Variants in ZBTB20 observed in about 807,000 individuals in gnomAD.
ZBTB20 encodes the protein zinc finger and BTB domain containing 20.
Under a neutral mutation model 56.9 loss-of-function variants are expected in ZBTB20, and 9 were observed. The ratio of observed to expected loss-of-function variants is 0.16; its 90% CI spans 0.10 to 0.28. The LOEUF (loss-of-function observed/expected upper bound fraction) is 0.28, where lower values mean the gene tolerates loss of function less well. Among genes scored for constraint, ZBTB20 ranks in the 10% least tolerant of loss-of-function variants. The pLI is 1.00. For missense variants in ZBTB20, 655 were observed against 1,003.0 expected (o/e 0.65, Z 4.69); for synonymous variants, 417 against 420.7 (o/e 0.99, Z 0.11).
intron 6 of ZBTB20, chr3:114,624,350 A>C (rs553789000): frequency 2.7e-5 from 4 of 145,670 alleles, no homozygotes; most frequent in Non-Finnish European, 6.1e-5. Flanking sequence ...AAACAACAGT[A>C]AGAGAAACAA....
intron 6 of ZBTB20, among the ~76,000 whole-genome samples, chr3:114,617,506 C>T (rs1365976322): frequency 5.3e-5 from 8 of 152,202 alleles, no homozygotes; most frequent in Non-Finnish European, 8.8e-5. Context: ...CCTTCAGTTA[C>T]GGCACTTAGC....
intron 4 of ZBTB20, among the ~76,000 whole-genome samples, chr3:114,804,874 T>C (rs1232272367): frequency 6.6e-6 from 1 of 151,910 alleles, no homozygotes; most frequent in Non-Finnish European, 1.5e-5. Context: ...TCAAAAATAA[T>C]AGTAATTCTT....
chr3:114,615,983 C>T (rs2702172), intron 6 of ZBTB20, among the ~76,000 whole-genome samples: 28,519 of 152,100 alleles, frequency 0.19, 3,544 homozygotes, highest in African/African-American at 0.35. Context: ...GGAGAAATTG[C>T]TCTGTATATG....
At chr3:115,073,699 TATA>T (rs1292289289) in intron 1 of ZBTB20, among the ~76,000 whole-genome samples, 1 of 151,876 alleles carries the variant, frequency 6.6e-6, no homozygotes, top group African/African-American at 2.4e-5. Flanking sequence ...GATAAGAGAT[TATA>T]ATGAGAAAAA....
intron 7 of ZBTB20, among the ~76,000 whole-genome samples, chr3:114,497,309 C>T (rs2043390197): frequency 6.6e-6 from 1 of 152,130 alleles, no homozygotes; most frequent in South Asian, 2.1e-4. Flanking sequence ...CCTCCTTGAG[C>T]CTGCAGGATC....
chr3:114,967,824 G>A (rs1459960195), intron 3 of ZBTB20, among the ~76,000 whole-genome samples: 1 of 151,964 alleles, frequency 6.6e-6, no homozygotes, highest in African/African-American at 2.4e-5. Context: ...AGGCGTGGTG[G>A]CGGGCACCTA....
At chr3:114,918,997 A>G (rs959226375) in intron 3 of ZBTB20, among the ~76,000 whole-genome samples, 1 of 152,180 alleles carries the variant, frequency 6.6e-6, no homozygotes. Context: ...GACCCCAGAG[A>G]ATTTTAGCCC....
intron 6 of ZBTB20, among the ~76,000 whole-genome samples, chr3:114,536,987 C>G (rs1454424947): frequency 6.6e-6 from 1 of 152,048 alleles, no homozygotes; most frequent in Non-Finnish European, 1.5e-5. Flanking sequence ...CAAAAATTAA[C>G]TCAAGATGGA....
Position 114,944,998 on chromosome 3 carries a change from C to T in ZBTB20, c.-456+29368G>A, listed in dbSNP as rs1187689411. ...TTTAAATGTTCTTACCATAAAAACACGATAATTATTTGAGGTGATGGATGC... is the reference window on the plus strand; with the variant it reads ...TTTAAATGTTCTTACCATAAAAACATGATAATTATTTGAGGTGATGGATGC... On this transcript the variant is annotated intron_variant, in intron 3 of 11. Coordinates refer to ENST00000675478, the MANE Select transcript of ZBTB20 (RefSeq NM_001348800.3). Among the ~76,000 whole-genome samples the T allele has an allele frequency of 1.4e-5, 2 of 145,392 alleles. 1 individual carries two copies. The highest frequency in any genetic ancestry group is 4.3e-4 in the South Asian group (2 of 4,680).
At chr3:114,976,279 G>GT (rs1560454848) in intron 2 of ZBTB20, among the ~76,000 whole-genome samples, 3 of 152,094 alleles carry the variant, frequency 2.0e-5, no homozygotes, top group African/African-American at 4.8e-5. Flanking sequence ...CTCAAAGGAC[G>GT]TAAGAATAAT....
At chr3:114,679,794 C>CA (rs1028996499) in intron 6 of ZBTB20, among the ~76,000 whole-genome samples, 17 of 151,994 alleles carry the variant, frequency 1.1e-4, no homozygotes, top group Non-Finnish European at 2.5e-4. Flanking sequence ...GGTATATACC[C>CA]AAAAAAATTA....
chr3:114,490,522 G>A (rs770598624), intron 7 of ZBTB20, among the ~76,000 whole-genome samples: 11 of 151,756 alleles, frequency 7.2e-5, no homozygotes, highest in Non-Finnish European at 1.2e-4. Flanking sequence ...TGCCCGGCCC[G>A]CTTCCTTCCT....
chr3:114,600,573 G>A (rs1452784897), intron 6 of ZBTB20, among the ~76,000 whole-genome samples: 1 of 151,964 alleles, frequency 6.6e-6, no homozygotes, highest in South Asian at 2.1e-4. Flanking sequence ...AATTCACTGT[G>A]CTCTATTTAC....
chr3:114,866,427 G>A (rs1428744594), intron 4 of ZBTB20, among the ~76,000 whole-genome samples: 1 of 152,160 alleles, frequency 6.6e-6, no homozygotes, highest in Non-Finnish European at 1.5e-5. Context: ...ATGGGGTTTG[G>A]GGTTGTGTTT....
chr3:114,443,149 CA>C (rs1378773988), intron 7 of ZBTB20, among the ~76,000 whole-genome samples: 1 of 152,264 alleles, frequency 6.6e-6, no homozygotes, highest in African/African-American at 2.4e-5. Flanking sequence ...ACATTCAACA[CA>C]GATTCAGGTG....
At chr3:114,385,050 T>C (rs1162187210) in intron 8 of ZBTB20, among the ~76,000 whole-genome samples, 1 of 152,172 alleles carries the variant, frequency 6.6e-6, no homozygotes, top group Non-Finnish European at 1.5e-5. Flanking sequence ...CTCTCTTCAC[T>C]GGGCTCCCAC....
intron 6 of ZBTB20, among the ~76,000 whole-genome samples, chr3:114,590,192 C>T (rs914839189): frequency 1.3e-5 from 2 of 152,178 alleles, no homozygotes; most frequent in Non-Finnish European, 2.9e-5. Flanking sequence ...CGAAGGCTCA[C>T]GCTTGTAATC....
chr3:114,475,599 C>T (rs2040658129), intron 7 of ZBTB20, among the ~76,000 whole-genome samples: 1 of 152,122 alleles, frequency 6.6e-6, no homozygotes, highest in Middle Eastern at 3.4e-3. Flanking sequence ...ATCTTAGAGA[C>T]TTGCACAACA....
rs137882908 is a variant in ZBTB20, at chr3:114,459,333, T to A, written c.-255+41019A>T. On this transcript the variant is annotated intron_variant, in intron 7 of 11. Transcript: ENST00000675478. ...TGCTATAGAGAGATTTGTATCAAAC[T>A]AGTCCATATTTCCTTTTGAGAACCA... 8.5e-5 allele frequency among the ~76,000 whole-genome samples: 13 copies of A among 152,320 alleles called. No homozygotes were observed. In the East Asian group the frequency reaches 2.5e-3, roughly 29 times the overall value.
Sources: allele counts gnomAD v4.1 joint callset (sites outside exome capture counted in the v4.1 genomes callset), GRCh38; gene constraint gnomAD v4.1.1; transcripts MANE v1.5; gene names NCBI Gene and HGNC (gene_info 2026-07-23, HGNC 2026-07-21).